Variants in SAMTOR observed in about 807,000 individuals in gnomAD.
SAMTOR encodes the protein UPF0532 protein C7orf60.
the SAMTOR span, among the ~76,000 whole-genome samples, chr7:112,902,324 C>T: frequency 9.5e-5 from 14 of 147,848 alleles, no homozygotes; most frequent in African/African-American, 3.0e-4. Flanking sequence ...TTGCTTGAAC[C>T]GGGAGGCGGA....
At chr7:112,870,149 T>A in the SAMTOR span, among the ~76,000 whole-genome samples, 8 of 152,014 alleles carry the variant, frequency 5.3e-5, no homozygotes, top group Non-Finnish European at 1.0e-4. Context: ...TTCATGAAAA[T>A]TTCCCCCATC....
chr7:112,901,523 G>C, the SAMTOR span, among the ~76,000 whole-genome samples: 1 of 152,108 alleles, frequency 6.6e-6, no homozygotes, highest in Non-Finnish European at 1.5e-5. Flanking sequence ...ATATTACAAT[G>C]TACTAATAAT....
chr7:112,925,138 C>T, the SAMTOR span, among the ~76,000 whole-genome samples: 12 of 152,152 alleles, frequency 7.9e-5, no homozygotes, highest in African/African-American at 2.9e-4. Flanking sequence ...TATCAAGTCT[C>T]TAAATAGAAC....
the SAMTOR span, among the ~76,000 whole-genome samples, chr7:112,936,435 G>T: frequency 2.0e-5 from 3 of 152,208 alleles, no homozygotes; most frequent in South Asian, 6.2e-4. Flanking sequence ...GAAGGAAAAA[G>T]TGGTAAACGA....
chr7:112,864,221 C>T, the SAMTOR span, among the ~76,000 whole-genome samples: 18 of 152,092 alleles, frequency 1.2e-4, no homozygotes, highest in Middle Eastern at 0.01. Flanking sequence ...GGGGGACAAC[C>T]CACATTGAAA....
chr7:112,896,752 T>G, the SAMTOR span, among the ~76,000 whole-genome samples: 1 of 152,088 alleles, frequency 6.6e-6, no homozygotes, highest in African/African-American at 2.4e-5. Context: ...ACATGATTGA[T>G]AAACAGATAA....
At chr7:112,871,852 C>T in the SAMTOR span, among the ~76,000 whole-genome samples, 1 of 152,242 alleles carries the variant, frequency 6.6e-6, no homozygotes, top group East Asian at 1.9e-4. Flanking sequence ...CAAGAGATCC[C>T]TAGAGACTAC....
At chr7:112,928,479 TAGAA>T in the SAMTOR span, among the ~76,000 whole-genome samples, 1 of 151,992 alleles carries the variant, frequency 6.6e-6, no homozygotes, top group Non-Finnish European at 1.5e-5. Context: ...ATTTTCCCAA[TAGAA>T]AGTATAAATG....
At chr7:112,895,874 A>G in the SAMTOR span, 1 of 545,290 alleles carries the variant, frequency 1.8e-6, no homozygotes, top group African/African-American at 1.9e-5. Flanking sequence ...TCAAACTGAG[A>G]TAAATTTGAG....
At chr7:112,878,862 T>C in the SAMTOR span, among the ~76,000 whole-genome samples, 1 of 152,092 alleles carries the variant, frequency 6.6e-6, no homozygotes, top group Non-Finnish European at 1.5e-5. Context: ...TCAAGTTGAA[T>C]TGTGAAAAAC....
At chr7:112,936,598 C>G in the SAMTOR span, among the ~76,000 whole-genome samples, 2 of 152,166 alleles carry the variant, frequency 1.3e-5, no homozygotes, top group African/African-American at 2.4e-5. Context: ...AAAAGAACAA[C>G]ACAACTTATT....
the SAMTOR span, among the ~76,000 whole-genome samples, chr7:112,884,830 G>C: frequency 2.0e-5 from 3 of 152,232 alleles, no homozygotes; most frequent in Non-Finnish European, 4.4e-5. Context: ...CAGTGCCCCA[G>C]TAGGGACTCT....
the SAMTOR span, among the ~76,000 whole-genome samples, chr7:112,855,356 C>T: frequency 0.011 from 1,633 of 152,276 alleles, 31 homozygotes; most frequent in African/African-American, 0.037. Flanking sequence ...TTTAAAACGA[C>T]ACCCAATTCC....
chr7:112,886,105 C>T, the SAMTOR span, among the ~76,000 whole-genome samples: 1 of 152,064 alleles, frequency 6.6e-6, no homozygotes, highest in Non-Finnish European at 1.5e-5. Flanking sequence ...TGTGAAAACT[C>T]ACTTGGTATC....
At chr7:112,837,912 A>G in the SAMTOR span, among the ~76,000 whole-genome samples, 1 of 152,002 alleles carries the variant, frequency 6.6e-6, no homozygotes. Context: ...CGTGGCCAAC[A>G]GCACTATAAC....
the SAMTOR span, among the ~76,000 whole-genome samples, chr7:112,823,108 T>C: frequency 6.6e-6 from 1 of 152,312 alleles, no homozygotes; most frequent in South Asian, 2.1e-4. Flanking sequence ...AACAAAGATA[T>C]GACCTAATAC....
chr7:112,880,218 G>A, the SAMTOR span, among the ~76,000 whole-genome samples: 1 of 152,126 alleles, frequency 6.6e-6, no homozygotes, highest in African/African-American at 2.4e-5. Flanking sequence ...TTACTCAAAT[G>A]ATTTGAACCT....
chr7:112,937,808 T>C, the SAMTOR span, among the ~76,000 whole-genome samples: 1 of 149,410 alleles, frequency 6.7e-6, no homozygotes, highest in Non-Finnish European at 1.5e-5. Flanking sequence ...GTATCTATTC[T>C]AGATCTGGTA....
At chr7:112,913,817 C>T in the SAMTOR span, among the ~76,000 whole-genome samples, 2 of 152,110 alleles carry the variant, frequency 1.3e-5, no homozygotes, top group East Asian at 1.9e-4. Context: ...ATATCATTGG[C>T]ACACATCACA....
Sources: allele counts gnomAD v4.1 joint callset (sites outside exome capture counted in the v4.1 genomes callset), GRCh38; gene constraint gnomAD v4.1.1; transcripts MANE v1.5; gene names NCBI Gene and HGNC (gene_info 2026-07-23, HGNC 2026-07-21).